Variants in COPZ1 observed in about 807,000 individuals in gnomAD.
COPZ1 encodes the protein coatomer subunit zeta-1.
COPZ1 carries 4 observed loss-of-function variants against 31.7 expected under a neutral mutation model. The ratio of observed to expected loss-of-function variants is 0.13; its 90% CI spans 0.06 to 0.29. COPZ1 has a LOEUF of 0.29. COPZ1 is among the 10% of genes least tolerant of loss of function. The pLI is 1.00. For missense variants in COPZ1, 156 were observed against 211.5 expected (o/e 0.74, Z 1.63); for synonymous variants, 74 against 79.0 (o/e 0.94, Z 0.33).
intron 2 of COPZ1, among the ~76,000 whole-genome samples, 155 bp downstream of exon 2, chr12:54,340,770 C>A (rs1047513795): frequency 1.6e-4 from 24 of 151,598 alleles, no homozygotes; most frequent in African/African-American, 5.8e-4. Flanking sequence ...TCGCTCTTAT[C>A]ACCCAGGCTG....
At chr12:54,347,232 C>T (rs781056358) in intron 5 of COPZ1, among the ~76,000 whole-genome samples, 5 of 152,314 alleles carry the variant, frequency 3.3e-5, no homozygotes, top group Non-Finnish European at 5.9e-5. Flanking sequence ...CACCAACCAA[C>T]GGATCTGAGG....
chr12:54,340,748 T>C (rs1395608688), intron 2 of COPZ1, 133 bp downstream of exon 2: 67 of 979,592 alleles, frequency 6.8e-5, no homozygotes, highest in Non-Finnish European at 9.7e-5. Flanking sequence ...CTTTTTTTTT[T>C]GAGATGGAGT....
chr12:54,347,728 A>G (rs149707785), intron 5 of COPZ1, 39 bp from the exon 6 acceptor site: 27 of 1,583,018 alleles, frequency 1.7e-5, no homozygotes, highest in South Asian at 3.4e-5. Context: ...TCTTTCACAT[A>G]CAAGTTGGTT....
At chr12:54,331,121 T>A (rs1953742926) in intron 1 of COPZ1, among the ~76,000 whole-genome samples, 1 of 151,984 alleles carries the variant, frequency 6.6e-6, no homozygotes, top group Admixed American at 6.6e-5. Flanking sequence ...ATCTAAGTTA[T>A]ATATGCTGCA....
At chr12:54,347,978 G>T (rs372360376) in intron 6 of COPZ1, 22 bp from the exon 7 acceptor site, 166 of 1,613,508 alleles carry the variant, frequency 1.0e-4, no homozygotes, top group Non-Finnish European at 1.3e-4. Context: ...AGTGAACAAT[G>T]ATCTCTTCTT....
chr12:54,325,610 A>G (rs1953617428), intron 1 of COPZ1: 1 of 163,930 alleles, frequency 6.1e-6, no homozygotes, highest in African/African-American at 2.4e-5. Flanking sequence ...TTGACTCTCC[A>G]TTGCCGATTC....
chr12:54,335,073 C>G (rs1464751169), intron 1 of COPZ1, among the ~76,000 whole-genome samples: 1 of 151,530 alleles, frequency 6.6e-6, no homozygotes, highest in African/African-American at 2.4e-5. Context: ...ACTGAGGAGG[C>G]TGAGACACGA....
chr12:54,325,155 C>A lies in COPZ1; in HGVS notation c.-9C>A. 1 of 1,563,140 alleles carries A rather than the reference C, an allele frequency of 6.4e-7. No individual in the cohort carries two copies. On this transcript the variant is annotated 5_prime_UTR_variant, in exon 1 of 9. Coordinates refer to ENST00000262061, the MANE Select transcript of COPZ1 (RefSeq NM_016057.3). Reference sequence around the variant, plus strand: ...TGCGGCTCCACGTCGGCACCAGCTGCGGGGCAAGATGGAGGCGCTGATTTT... The same window carrying A: ...TGCGGCTCCACGTCGGCACCAGCTGAGGGGCAAGATGGAGGCGCTGATTTT...
At chr12:54,326,961 CTTTTTTTTTTTTTTTTTTTTTTT>C (rs60827109) in intron 1 of COPZ1, among the ~76,000 whole-genome samples, 4 of 43,568 alleles carry the variant, frequency 9.2e-5, no homozygotes, top group Non-Finnish European at 1.8e-4. Flanking sequence ...AACAAGTATT[CTTTTTTTTTTTTTTTTTTTTTTT>C]TTTTTTTTTT....
At chr12:54,345,605 C>T (rs1954048029) in intron 5 of COPZ1, 90 bp downstream of exon 5, 2 of 1,037,826 alleles carry the variant, frequency 1.9e-6, no homozygotes, top group African/African-American at 1.6e-5. Context: ...AGTAACCATT[C>T]TTCAGGCCCA....
chr12:54,348,817 T>C (rs1954104034), intron 7 of COPZ1, among the ~76,000 whole-genome samples: 1 of 152,206 alleles, frequency 6.6e-6, no homozygotes, highest in African/African-American at 2.4e-5. Context: ...AAGTACTTAT[T>C]TGCCAGAACC....
chr12:54,347,721 T>G, intron 5 of COPZ1, 46 bp from the exon 6 acceptor site: 1 of 1,563,482 alleles, frequency 6.4e-7, no homozygotes, highest in East Asian at 2.2e-5. Context: ...TAGGATTTCT[T>G]TCACATACAA....
intron 4 of COPZ1, 79 bp downstream of exon 4, chr12:54,343,395 C>A: frequency 1.7e-6 from 2 of 1,199,228 alleles, no homozygotes; most frequent in Non-Finnish European, 2.5e-6. Flanking sequence ...TGGTTTGGGG[C>A]CCTAATAGAG....
rs1044234624 is a variant in COPZ1 at position 54,347,661 on chromosome 12, G to A, written c.318-106G>A. On this transcript the variant is annotated intron_variant, in intron 5 of 8. Transcript: ENST00000262061. Reference sequence around the variant, plus strand: ...CCTTATTTACTTCTTTGTGTGGTTGGTGGAGATGTTTATTGGTCTAGTTTA... The same window carrying A: ...CCTTATTTACTTCTTTGTGTGGTTGATGGAGATGTTTATTGGTCTAGTTTA... 5 of 916,292 alleles carry A rather than the reference G, an allele frequency of 5.5e-6. No homozygotes were observed. In the African/African-American group the frequency reaches 6.7e-5, roughly 12 times the overall value. The allele number at this position is 916,292 out of a possible 1,614,324, so 56.8% of individuals were successfully genotyped here. A position where few individuals can be genotyped will look rare whatever the true frequency, so the allele number is the denominator to read the frequency against.
At chr12:54,342,054 C>T (rs1051214779) in intron 2 of COPZ1, 152 bp from the exon 3 acceptor site, 4 of 614,588 alleles carry the variant, frequency 6.5e-6, no homozygotes, top group Admixed American at 2.9e-5. Flanking sequence ...CCATTCTCTG[C>T]CTCTACAATC....
At chr12:54,347,893 GC>G (rs747311739) in intron 6 of COPZ1, 49 bp downstream of exon 6, 12 of 1,607,460 alleles carry the variant, frequency 7.5e-6, no homozygotes, top group Non-Finnish European at 2.6e-6. Context: ...CGGGATAACT[GC>G]CCCTGTCCTA....
intron 1 of COPZ1, among the ~76,000 whole-genome samples, chr12:54,331,156 C>A (rs1272107489): frequency 7.7e-6 from 1 of 130,328 alleles, no homozygotes; most frequent in African/African-American, 2.8e-5. Context: ...TTTTATTTGG[C>A]TTTTTATTTT....
At chr12:54,336,932 G>A (rs989539832) in intron 1 of COPZ1, among the ~76,000 whole-genome samples, 1 of 144,964 alleles carries the variant, frequency 6.9e-6, no homozygotes, top group African/African-American at 2.6e-5. Flanking sequence ...TGAGGCACAA[G>A]AATCACTTGA....
chr12:54,326,831 T>C (rs1242268441), intron 1 of COPZ1, among the ~76,000 whole-genome samples: 1 of 151,936 alleles, frequency 6.6e-6, no homozygotes, highest in Non-Finnish European at 1.5e-5. Context: ...GATAAAAGAA[T>C]AACAGGTTTT....
Sources: allele counts gnomAD v4.1 joint callset (sites outside exome capture counted in the v4.1 genomes callset), GRCh38; gene constraint gnomAD v4.1.1; transcripts MANE v1.5; gene names NCBI Gene and HGNC (gene_info 2026-07-23, HGNC 2026-07-21).